CCSER1: variants seen among roughly 807,000 people sequenced by gnomAD.
The protein encoded by CCSER1 is serine-rich coiled-coil domain-containing protein 1.
A neutral mutation model predicts 82.0 loss-of-function variants in CCSER1; 41 were observed. The ratio of observed to expected loss-of-function variants is 0.50; its 90% CI spans 0.39 to 0.65. The LOEUF is 0.65. Ranked by LOEUF, CCSER1 falls within the 30% of genes least tolerant of loss-of-function variation. The pLI is 0.00. For missense variants in CCSER1, 1,119 were observed against 1,064.2 expected, an observed-to-expected ratio of 1.05 and a Z score of -0.72; for synonymous variants, 414 against 383.9, an observed-to-expected ratio of 1.08 and a Z score of -0.92.
intron 5 of CCSER1, among the ~76,000 whole-genome samples, chr4:90,475,692 T>C (rs1241561187): frequency 1.3e-5 from 2 of 152,024 alleles, no homozygotes; most frequent in Non-Finnish European, 1.5e-5. Flanking sequence ...AGGGAGGCTG[T>C]AGTGTTTTTG....
intron 4 of CCSER1, among the ~76,000 whole-genome samples, chr4:90,407,699 C>G (rs926149793): frequency 6.6e-6 from 1 of 152,152 alleles, no homozygotes; most frequent in African/African-American, 2.4e-5. Context: ...CTACAGCTCC[C>G]AGCGTGAGCG....
At chr4:90,304,904 G>GT (rs1262173008) in intron 1 of CCSER1, among the ~76,000 whole-genome samples, 3 of 151,650 alleles carry the variant, frequency 2.0e-5, no homozygotes, top group African/African-American at 4.8e-5. Flanking sequence ...TTCATTTACT[G>GT]TTGTTGTTGG....
At chr4:90,287,664 A>T (rs1007606577) in intron 1 of CCSER1, among the ~76,000 whole-genome samples, 5 of 151,928 alleles carry the variant, frequency 3.3e-5, no homozygotes, top group African/African-American at 1.2e-4. Context: ...TCATGAGATT[A>T]GACGTTTTCC....
intron 10 of CCSER1, among the ~76,000 whole-genome samples, chr4:91,194,158 C>T (rs542782524): frequency 1.3e-5 from 2 of 152,122 alleles, no homozygotes; most frequent in African/African-American, 4.8e-5. Flanking sequence ...TTAGTAGAGA[C>T]GGAGTTTCAC....
intron 10 of CCSER1, among the ~76,000 whole-genome samples, chr4:91,495,245 A>G (rs1758738660): frequency 6.6e-6 from 1 of 151,588 alleles, no homozygotes; most frequent in Non-Finnish European, 1.5e-5. Context: ...TTAGGTATAT[A>G]TATTCACATA....
chr4:90,414,818 G>A (rs1043019929), intron 4 of CCSER1, among the ~76,000 whole-genome samples: 1 of 152,060 alleles, frequency 6.6e-6, no homozygotes, highest in Admixed American at 6.6e-5. Context: ...TGAAGTATAT[G>A]TTATGAACTA....
At chr4:90,415,765 C>T (rs1392854677) in intron 4 of CCSER1, among the ~76,000 whole-genome samples, 4 of 152,116 alleles carry the variant, frequency 2.6e-5, no homozygotes, top group South Asian at 4.1e-4. Flanking sequence ...GGATTATCTT[C>T]GTAGTGGCAG....
intron 5 of CCSER1, among the ~76,000 whole-genome samples, chr4:90,546,994 G>T (rs1407500346): frequency 6.6e-6 from 1 of 151,946 alleles, no homozygotes; most frequent in Non-Finnish European, 1.5e-5. Flanking sequence ...CATACTTAAG[G>T]CTGTCATGTT....
At chr4:90,339,977 T>C (rs1266701359) in intron 3 of CCSER1, among the ~76,000 whole-genome samples, 1 of 151,946 alleles carries the variant, frequency 6.6e-6, no homozygotes, top group East Asian at 1.9e-4. Flanking sequence ...GGAATACATA[T>C]TAAGCAAATA....
At chr4:90,459,127 T>C (rs1222780143) in intron 4 of CCSER1, among the ~76,000 whole-genome samples, 2 of 152,324 alleles carry the variant, frequency 1.3e-5, no homozygotes, top group African/African-American at 2.4e-5. Flanking sequence ...GATACAGATA[T>C]AAACACAGGC....
chr4:90,893,921 TTTA>T (rs1220437970), intron 8 of CCSER1, among the ~76,000 whole-genome samples: 1 of 152,064 alleles, frequency 6.6e-6, no homozygotes, highest in African/African-American at 2.4e-5. Flanking sequence ...TTTATGTTAT[TTTA>T]TTGTTTTACA....
intron 9 of CCSER1, among the ~76,000 whole-genome samples, chr4:91,007,675 CAA>C (rs55642634): frequency 0.43 from 57,087 of 133,004 alleles, 11,211 homozygotes; most frequent in Middle Eastern, 0.49. Context: ...TTTATCTTCT[CAA>C]AAAAAAAAAA....
intron 10 of CCSER1, among the ~76,000 whole-genome samples, chr4:91,263,712 A>T (rs1343547850): frequency 6.6e-6 from 1 of 152,002 alleles, no homozygotes; most frequent in African/African-American, 2.4e-5. Flanking sequence ...AGAGAAAGTA[A>T]AAAACCTGGG....
In CCSER1 at chr4:90,470,544, C is replaced by A. The variant is rs181879212; in HGVS notation, c.1724+2190C>A. 2.6e-4 allele frequency among the ~76,000 whole-genome samples: 39 copies of A among 152,150 alleles called. No homozygotes were observed. The East Asian group carries it at 7.6e-3, about 29-fold the overall frequency. Reference sequence around the variant, plus strand: ...TGTAATTTATAAAGTACAAAGGTAGCAATTTCTTCAAGTACAGTTTTGGTT... The same window carrying A: ...TGTAATTTATAAAGTACAAAGGTAGAAATTTCTTCAAGTACAGTTTTGGTT... On this transcript the variant is annotated intron_variant, in intron 5 of 10. Transcript: ENST00000509176.
At chr4:90,673,939 C>G (rs1733297011) in intron 6 of CCSER1, among the ~76,000 whole-genome samples, 2 of 152,074 alleles carry the variant, frequency 1.3e-5, no homozygotes, top group Admixed American at 1.3e-4. Flanking sequence ...GAGAAACAAA[C>G]TTCTTATATC....
intron 3 of CCSER1, among the ~76,000 whole-genome samples, chr4:90,360,056 T>C (rs1200116562): frequency 6.7e-6 from 1 of 148,856 alleles, no homozygotes; most frequent in Non-Finnish European, 1.5e-5. Flanking sequence ...CAGCAAGGGT[T>C]ACAGGTGCCC....
intron 1 of CCSER1, among the ~76,000 whole-genome samples, chr4:90,159,981 A>G (rs931467748): frequency 6.6e-6 from 1 of 152,236 alleles, no homozygotes; most frequent in African/African-American, 2.4e-5. Flanking sequence ...CAATTTGCAT[A>G]TATTATATAC....
intron 10 of CCSER1, among the ~76,000 whole-genome samples, chr4:91,471,434 A>G (rs963992009): frequency 1.3e-5 from 2 of 152,162 alleles, no homozygotes; most frequent in African/African-American, 2.4e-5. Flanking sequence ...GAGATCATTC[A>G]GGTTCACCGT....
chr4:90,412,526 CAA>C (rs33926523), intron 4 of CCSER1, among the ~76,000 whole-genome samples: 8,091 of 138,556 alleles, frequency 0.058, 689 homozygotes, highest in African/African-American at 0.19. Flanking sequence ...ATATAAACAT[CAA>C]AAAAAAAAAA....
Sources: gnomAD v4.1 joint callset for allele counts (sites outside exome capture counted in the v4.1 genomes callset) on GRCh38, gnomAD v4.1.1 for gene constraint, MANE v1.5 for transcripts, NCBI Gene and HGNC (gene_info 2026-07-23, HGNC 2026-07-21) for gene names.